The following TAS2R1 variants were observed in gnomAD, a reference collection of about 807,000 sequenced individuals.
The protein encoded by TAS2R1 is taste 2 receptor member 1.
For missense variants in TAS2R1, 370 were observed against 353.4 expected, an observed-to-expected ratio of 1.05 and a Z score of -0.38; for synonymous variants, 141 against 134.2, an observed-to-expected ratio of 1.05 and a Z score of -0.35.
At chr5:9,782,490 A>G in the TAS2R1 span, among the ~76,000 whole-genome samples, 1 of 152,188 alleles carries the variant, frequency 6.6e-6, no homozygotes, top group African/African-American at 2.4e-5. Flanking sequence ...TCCCACCCAC[A>G]TATTAAGCCC....
the TAS2R1 span, among the ~76,000 whole-genome samples, chr5:9,858,419 A>G: frequency 6.6e-6 from 1 of 152,140 alleles, no homozygotes; most frequent in Non-Finnish European, 1.5e-5. Context: ...TGCTGCCTGA[A>G]GTTGGGGGCA....
chr5:9,811,492 A>G, the TAS2R1 span, among the ~76,000 whole-genome samples: 1 of 152,182 alleles, frequency 6.6e-6, no homozygotes, highest in Non-Finnish European at 1.5e-5. Context: ...CTCAAAGGCT[A>G]CAAGCTAGGA....
the TAS2R1 span, among the ~76,000 whole-genome samples, chr5:9,890,981 A>T: frequency 6.6e-6 from 1 of 152,150 alleles, no homozygotes; most frequent in Non-Finnish European, 1.5e-5. Flanking sequence ...CCATCCTCAA[A>T]GTATAGTCTG....
At chr5:9,863,264 ATTTT>A in the TAS2R1 span, among the ~76,000 whole-genome samples, 5 of 126,534 alleles carry the variant, frequency 4.0e-5, no homozygotes, top group Admixed American at 8.1e-5. Flanking sequence ...AGACCCAAAG[ATTTT>A]TTTTTTTTTT....
the TAS2R1 span, among the ~76,000 whole-genome samples, chr5:9,773,780 G>A: frequency 4.3e-4 from 65 of 152,192 alleles, 2 homozygotes; most frequent in East Asian, 0.012. Context: ...CTAGAAAGTC[G>A]GCTGCCAAAT....
intron 1 of TAS2R1, among the ~76,000 whole-genome samples, chr5:9,663,302 A>G (rs1243233603): frequency 6.6e-6 from 1 of 152,190 alleles, no homozygotes. Context: ...AAGGCAATAA[A>G]TTTTTAAAAA....
the TAS2R1 span, among the ~76,000 whole-genome samples, chr5:9,804,653 G>T: frequency 2.0e-5 from 3 of 151,976 alleles, no homozygotes; most frequent in Non-Finnish European, 4.4e-5. Flanking sequence ...TCATTGTTTT[G>T]ACAATAAAAT....
rs60664247 is a variant in TAS2R1 at position 9,711,977 on chromosome 5, G to GTT, written c.-242+193_-242+194dup. ...CACTGTGCCCAGCCTTATGTTCAAC[G>GTT]TTTTTTTTTTTTCACCACAACAAAA... On this transcript the variant is annotated intron_variant, in intron 1 of 2. Coordinates refer to the TAS2R1 transcript ENST00000506620. 7.8e-3 allele frequency among the ~76,000 whole-genome samples: 813 copies of GTT among 104,864 alleles called. 8 individuals are homozygous for GTT. Among genetic ancestry groups the GTT allele is most frequent in the African/African-American group, 0.027 (780 of 28,676 alleles). 68.8% of individuals were successfully genotyped at this position (104,864 alleles called of 152,430 possible).
At chr5:9,901,365 A>G in the TAS2R1 span, among the ~76,000 whole-genome samples, 502 of 152,178 alleles carry the variant, frequency 3.3e-3, 7 homozygotes, top group African/African-American at 0.012. Context: ...TTGGGCTGAG[A>G]GAAAACCATC....
intron 2 of TAS2R1, among the ~76,000 whole-genome samples, chr5:9,651,518 T>G (rs73743130): frequency 1.3e-5 from 2 of 152,190 alleles, no homozygotes; most frequent in Admixed American, 6.6e-5. Flanking sequence ...GAAATGATGA[T>G]TCATATTCCC....
chr5:9,680,287 G>A (rs1471169627), intron 1 of TAS2R1, among the ~76,000 whole-genome samples: 1 of 152,172 alleles, frequency 6.6e-6, no homozygotes, highest in Non-Finnish European at 1.5e-5. Flanking sequence ...ATGGGGAGAA[G>A]AGACAGTCTT....
At chr5:9,823,234 C>A in the TAS2R1 span, among the ~76,000 whole-genome samples, 1 of 152,078 alleles carries the variant, frequency 6.6e-6, no homozygotes, top group East Asian at 1.9e-4. Context: ...GGAGAGGAGG[C>A]AATTTGGCAG....
At chr5:9,778,116 A>G in the TAS2R1 span, among the ~76,000 whole-genome samples, 1 of 151,460 alleles carries the variant, frequency 6.6e-6, no homozygotes, top group Non-Finnish European at 1.5e-5. Flanking sequence ...TCCTGACCTC[A>G]TGATCCACCT....
chr5:9,863,852 T>C, the TAS2R1 span, among the ~76,000 whole-genome samples: 2 of 152,296 alleles, frequency 1.3e-5, no homozygotes, highest in African/African-American at 4.8e-5. Flanking sequence ...TTCTGGTCAA[T>C]AAAGAACACT....
At chr5:9,789,426 A>G in the TAS2R1 span, among the ~76,000 whole-genome samples, 1 of 152,226 alleles carries the variant, frequency 6.6e-6, no homozygotes, top group Non-Finnish European at 1.5e-5. Flanking sequence ...AAAAATGGGC[A>G]CAAATAATTT....
intron 1 of TAS2R1, among the ~76,000 whole-genome samples, chr5:9,686,719 C>A (rs114854153): frequency 6.6e-6 from 1 of 152,102 alleles, no homozygotes; most frequent in African/African-American, 2.4e-5. Flanking sequence ...AACTATATTA[C>A]GTTCACATGA....
At chr5:9,702,621 G>A (rs1011953308) in intron 1 of TAS2R1, among the ~76,000 whole-genome samples, 16 of 152,216 alleles carry the variant, frequency 1.1e-4, no homozygotes, top group African/African-American at 3.6e-4. Flanking sequence ...ACTGTTTCAA[G>A]CAAATACGTT....
the TAS2R1 span, among the ~76,000 whole-genome samples, chr5:9,901,339 C>T: frequency 6.6e-6 from 1 of 151,948 alleles, no homozygotes; most frequent in African/African-American, 2.4e-5. Context: ...TGAGACTAAG[C>T]TACCAGAGAA....
At chr5:9,850,708 C>T in the TAS2R1 span, among the ~76,000 whole-genome samples, 1 of 152,194 alleles carries the variant, frequency 6.6e-6, no homozygotes, top group East Asian at 1.9e-4. Flanking sequence ...CTCCTACCAC[C>T]CAAACAGATG....
Sources: allele counts gnomAD v4.1 joint callset (sites outside exome capture counted in the v4.1 genomes callset), GRCh38; gene constraint gnomAD v4.1.1; transcripts MANE v1.5; gene names NCBI Gene and HGNC (gene_info 2026-07-23, HGNC 2026-07-21).